AHCTF1: variants seen among roughly 807,000 people sequenced by gnomAD.
The protein encoded by AHCTF1 is protein ELYS.
A neutral mutation model predicts 248.4 loss-of-function variants in AHCTF1; 24 were observed. That is an observed-to-expected ratio of 0.10 (90% CI 0.07 to 0.14). The LOEUF is 0.14. AHCTF1 is among the 10% of genes least tolerant of loss of function. The pLI is 1.00. For synonymous variants in AHCTF1, 786 were observed against 929.8 expected (o/e 0.85, Z 2.81); for missense variants, 2,206 against 2,636.2 (o/e 0.84, Z 3.57).
chr1:246,899,913 T>A, intron 10 of AHCTF1, 152 bp downstream of exon 10: 1 of 678,370 alleles, frequency 1.5e-6, no homozygotes, highest in South Asian at 2.3e-5. Context: ...CTAAGTTTCT[T>A]GTGTGTATAT....
intron 26 of AHCTF1, among the ~76,000 whole-genome samples, chr1:246,866,857 A>G (rs1662015361): frequency 6.6e-6 from 1 of 152,228 alleles, no homozygotes; most frequent in East Asian, 1.9e-4. Flanking sequence ...CTGAAGCAAC[A>G]CAAGACATTT....
intron 15 of AHCTF1, 49 bp downstream of exon 15, chr1:246,891,730 A>G (rs371134556): frequency 1.6e-5 from 25 of 1,587,608 alleles, no homozygotes; most frequent in African/African-American, 1.5e-4. Context: ...TCTCTTAGTC[A>G]AGAAGTAAAA....
chr1:246,891,680 A>T (rs1664214395), intron 15 of AHCTF1, 99 bp downstream of exon 15: 2 of 1,285,200 alleles, frequency 1.6e-6, no homozygotes, highest in Admixed American at 2.6e-5. Context: ...AGTCCTCTTT[A>T]CATAATGATC....
At position 246,916,377 on chromosome 1, in the gene AHCTF1, C is replaced by G. The variant is rs1666146277; in HGVS notation, c.140G>C (p.Cys47Ser). Residue 47 changes from cysteine to serine, a missense_variant, in exon 3 of 36, where the codon TGC becomes TCC. Transcript: ENST00000648844. ...KFAAGKNGLA[C>S]LACGPQLEVV... The stretch of plus-strand genomic sequence containing the variant: ...CTCAAGTTGTGGACCACAAGCCAAG[C>G]AAGCAAGTCCATTTTTCCCTAGAAG... The G allele has an allele frequency of 3.7e-6, 6 of 1,600,768 alleles. No individual in the cohort carries two copies. The highest frequency in any genetic ancestry group is 4.3e-6 in the Non-Finnish European group (5 of 1,175,884).
intron 33 of AHCTF1, 122 bp downstream of exon 33, chr1:246,849,493 A>C: frequency 2.4e-6 from 3 of 1,241,444 alleles, no homozygotes; most frequent in Non-Finnish European, 3.3e-6. Flanking sequence ...CTAAAAGATC[A>C]ATTTTGGTTT....
At chr1:246,894,422 A>C (rs1664422717) in intron 14 of AHCTF1, among the ~76,000 whole-genome samples, 2 of 152,084 alleles carry the variant, frequency 1.3e-5, no homozygotes, top group African/African-American at 4.8e-5. Context: ...AAATACAAAA[A>C]AATTAGCCGA....
Position 246,851,146 on chromosome 1 carries a change from T to C in AHCTF1, c.4860A>G (p.Thr1620=). Residue 1620 remains threonine, a synonymous_variant, in exon 33 of 36, where the codon ACA becomes ACG. Transcript: ENST00000648844. ...TGCATACAAGTTTTTCTTCAGTTGC[T>C]GTGTTAGCTGCTTTAGGTAACACAT... ...SSDVLPKAAN[T]ATEEKLVCSG... is the part of the protein sequence containing the mutation. The C allele has an allele frequency of 6.2e-7, 1 of 1,613,984 alleles. No individual in the cohort carries two copies. The highest frequency in any genetic ancestry group is 8.5e-7 in the Non-Finnish European group (1 of 1,179,864).
intron 8 of AHCTF1, 59 bp from the exon 9 acceptor site, chr1:246,900,528 C>T: frequency 6.6e-7 from 1 of 1,509,900 alleles, no homozygotes; most frequent in East Asian, 2.3e-5. Context: ...AAAATCACCT[C>T]AACAGAATTA....
In AHCTF1 at chr1:246,857,674, T is replaced by C; in HGVS notation, c.4256+17A>G. ...ACTTCTTTCTAAAAGTATTTGAATT[T>C]CTCTCCATTAACTTACCCTTCATAG... On this transcript the variant is annotated intron_variant, in intron 30 of 35. Transcript: ENST00000648844. 1 of 1,584,000 alleles carries C rather than the reference T, an allele frequency of 6.3e-7. No homozygotes were observed. The highest frequency in any genetic ancestry group is 8.6e-7 in the Non-Finnish European group (1 of 1,169,282).
intron 2 of AHCTF1, among the ~76,000 whole-genome samples, chr1:246,917,842 C>A (rs1390886475): frequency 6.6e-6 from 1 of 152,162 alleles, no homozygotes; most frequent in Non-Finnish European, 1.5e-5. Context: ...TAAATGAAAT[C>A]AGAAAACGAG....
intron 1 of AHCTF1, among the ~76,000 whole-genome samples, chr1:246,929,791 C>G (rs1198095794): frequency 6.6e-6 from 1 of 152,218 alleles, no homozygotes; most frequent in Non-Finnish European, 1.5e-5. Flanking sequence ...CGGTGGCTCA[C>G]GCCTGTAATC....
chr1:246,876,016 A>G, intron 24 of AHCTF1, 21 bp downstream of exon 24: 1 of 1,569,700 alleles, frequency 6.4e-7, no homozygotes, highest in Non-Finnish European at 8.7e-7. Flanking sequence ...AGATTATGAT[A>G]TTCTTCAATG....
At chr1:246,889,376 A>G (rs753940784) in intron 17 of AHCTF1, among the ~76,000 whole-genome samples, 20 of 152,298 alleles carry the variant, frequency 1.3e-4, no homozygotes, top group Non-Finnish European at 2.4e-4. Context: ...TGTCCTGCAC[A>G]TACTATTTTA....
intron 1 of AHCTF1, among the ~76,000 whole-genome samples, chr1:246,923,072 G>A (rs1186137966): frequency 1.4e-5 from 2 of 138,530 alleles, no homozygotes; most frequent in Non-Finnish European, 3.0e-5. Flanking sequence ...TACAACCAAA[G>A]GAGAATGAAG....
intron 35 of AHCTF1, among the ~76,000 whole-genome samples, chr1:246,841,479 C>T (rs1659859964): frequency 6.6e-6 from 1 of 152,164 alleles, no homozygotes; most frequent in South Asian, 2.1e-4. Flanking sequence ...GCCATAGTGT[C>T]TTAAATAAAA....
At chr1:246,901,320 G>A (rs1055571676) in intron 8 of AHCTF1, among the ~76,000 whole-genome samples, 3 of 151,848 alleles carry the variant, frequency 2.0e-5, no homozygotes, top group Non-Finnish European at 4.4e-5. Flanking sequence ...CAGCCTGGGC[G>A]ACAGTGAGAC....
intron 35 of AHCTF1, among the ~76,000 whole-genome samples, chr1:246,842,088 C>T (rs897172014): frequency 2.0e-5 from 3 of 151,996 alleles, no homozygotes; most frequent in Non-Finnish European, 2.9e-5. Flanking sequence ...CCACCACGCC[C>T]GACCTCCCAT....
intron 1 of AHCTF1, among the ~76,000 whole-genome samples, chr1:246,926,206 A>G (rs1666910062): frequency 1.3e-5 from 2 of 152,186 alleles, no homozygotes; most frequent in Admixed American, 6.5e-5. Context: ...AGCCTGCAGA[A>G]CCATGAGGCA....
chr1:246,902,450 A>C (rs1665071098), intron 8 of AHCTF1, 75 bp downstream of exon 8: 1 of 1,523,930 alleles, frequency 6.6e-7, no homozygotes, highest in Non-Finnish European at 8.9e-7. Flanking sequence ...CAGGAGTATG[A>C]AATCTAGAAA....
Sources: allele counts gnomAD v4.1 joint callset (sites outside exome capture counted in the v4.1 genomes callset), GRCh38; gene constraint gnomAD v4.1.1; transcripts MANE v1.5; gene names NCBI Gene and HGNC (gene_info 2026-07-23, HGNC 2026-07-21).